Variants in KDM6A observed in about 807,000 individuals in gnomAD.
KDM6A encodes lysine-specific demethylase 6A.
KDM6A carries 11 observed loss-of-function variants against 117.6 expected under a neutral mutation model. That is an observed-to-expected ratio of 0.09 (90% CI 0.06 to 0.15). The LOEUF (loss-of-function observed/expected upper bound fraction) is 0.15. KDM6A is among the 10% of genes least tolerant of loss of function. The pLI is 1.00. For synonymous variants in KDM6A, 384 were observed against 396.1 expected, an observed-to-expected ratio of 0.97 and a Z score of 0.36; for missense variants, 799 against 1,077.3, an observed-to-expected ratio of 0.74 and a Z score of 3.62.
intron 2 of KDM6A, among the ~76,000 whole-genome samples, chrX:44,874,360 C>T (rs1384587059): frequency 1.8e-5 from 2 of 111,410 alleles, no homozygotes. Flanking sequence ...CTTAACTTGC[C>T]TCTACGGGTT....
At chrX:45,040,717 G>A (rs1156434633) in intron 8 of KDM6A, among the ~76,000 whole-genome samples, 2 of 64,791 alleles carry the variant, frequency 3.1e-5, no homozygotes, top group African/African-American at 6.4e-5. Flanking sequence ...CTGGACGGGC[G>A]GGGGGCTGAC....
chrX:45,033,150 T>C (rs555808299), intron 6 of KDM6A, among the ~76,000 whole-genome samples: 7 of 112,249 alleles, frequency 6.2e-5, no homozygotes, highest in Admixed American at 4.7e-4. Context: ...GACTTAGAAA[T>C]ATAGTACAGT....
chrX:44,962,195 G>A (rs2038706515), intron 3 of KDM6A, among the ~76,000 whole-genome samples: 1 of 112,037 alleles, frequency 8.9e-6, no homozygotes, highest in Non-Finnish European at 1.9e-5. Context: ...GTGAAGGATT[G>A]TTAGTATTTC....
intron 8 of KDM6A, among the ~76,000 whole-genome samples, chrX:45,039,589 T>C (rs1482266505): frequency 1.4e-5 from 1 of 72,627 alleles, no homozygotes; most frequent in African/African-American, 5.0e-5. Context: ...AGGACAATAG[T>C]GGAGGGAAGG....
At chrX:45,088,693 C>T (rs986173397) in intron 25 of KDM6A, among the ~76,000 whole-genome samples, 3 of 113,276 alleles carry the variant, frequency 2.6e-5, no homozygotes, top group African/African-American at 9.6e-5. Flanking sequence ...TAAGTTCTTC[C>T]TTCCCCAAAA....
At chrX:45,091,730 A>C (rs1283680792) in intron 27 of KDM6A, among the ~76,000 whole-genome samples, 2 of 112,151 alleles carry the variant, frequency 1.8e-5, no homozygotes, top group African/African-American at 6.5e-5. Flanking sequence ...TTTGGGATAC[A>C]CTGCTTTATA....
chrX:45,071,151 TTAACA>T (rs1184860692), intron 18 of KDM6A, among the ~76,000 whole-genome samples: 1 of 112,423 alleles, frequency 8.9e-6, no homozygotes, highest in Non-Finnish European at 1.9e-5. Flanking sequence ...TGAAATTTAG[TTAACA>T]TAACTGGAAC....
At chrX:44,909,318 C>T (rs751274386) in intron 2 of KDM6A, among the ~76,000 whole-genome samples, 2 of 111,461 alleles carry the variant, frequency 1.8e-5, no homozygotes, top group Non-Finnish European at 3.8e-5. Context: ...AATAGTATTC[C>T]GGCGTTCAAA....
intron 17 of KDM6A, among the ~76,000 whole-genome samples, chrX:45,067,525 T>C (rs2044581011): frequency 9.0e-6 from 1 of 111,656 alleles, no homozygotes; most frequent in Admixed American, 9.5e-5. Context: ...TGTTTTTGCT[T>C]TATGAGAAAT....
At chrX:45,042,132 A>G (rs1259565934) in intron 8 of KDM6A, among the ~76,000 whole-genome samples, 3 of 108,912 alleles carry the variant, frequency 2.8e-5, no homozygotes, top group African/African-American at 6.8e-5. Context: ...TGCGCCTGCA[A>G]TCGCAGGCAC....
intron 2 of KDM6A, among the ~76,000 whole-genome samples, chrX:44,879,250 T>A (rs1390598784): frequency 8.9e-6 from 1 of 112,221 alleles, no homozygotes; most frequent in Admixed American, 9.5e-5. Flanking sequence ...TTGAAATTCA[T>A]TGTGATGCGT....
intron 2 of KDM6A, among the ~76,000 whole-genome samples, chrX:44,920,628 C>G (rs1461751886): frequency 1.8e-5 from 2 of 108,359 alleles, no homozygotes; most frequent in East Asian, 5.8e-4. Context: ...TTGGTAGAGA[C>G]AGGGTTTCAC....
chrX:45,029,272 T>G (rs2042504961), intron 6 of KDM6A, among the ~76,000 whole-genome samples: 1 of 110,299 alleles, frequency 9.1e-6, no homozygotes, highest in Non-Finnish European at 1.9e-5. Flanking sequence ...CTATCCCTAC[T>G]AAAAATACAA....
rs770105512 is a variant in KDM6A, at chrX:45,060,218, T to A, written c.1329+62T>A. Reference sequence around the variant, plus strand: ...TTAAGGGTTCTTTTCAATTCTCTAGTGGTCAAGCTTAATTTACTAAGCACA... The same window carrying A: ...TTAAGGGTTCTTTTCAATTCTCTAGAGGTCAAGCTTAATTTACTAAGCACA... On this transcript the variant is annotated intron_variant, in intron 13 of 29. Transcript: ENST00000611820. 778 of 1,198,182 alleles carry A rather than the reference T, an allele frequency of 6.5e-4. 1 individual carries two copies. Among genetic ancestry groups the A allele is most frequent in the Non-Finnish European group, 8.3e-4 (739 of 887,293 alleles).
chrX:44,908,030 T>C (rs1307731780), intron 2 of KDM6A, among the ~76,000 whole-genome samples: 1 of 110,407 alleles, frequency 9.1e-6, no homozygotes. Flanking sequence ...GAAAAAGTAA[T>C]AGAGGAGGGA....
intron 28 of KDM6A, among the ~76,000 whole-genome samples, chrX:45,108,325 C>T (rs899808867): frequency 1.8e-5 from 2 of 111,276 alleles, no homozygotes; most frequent in Non-Finnish European, 1.9e-5. Flanking sequence ...GTGCAAATTC[C>T]GCTCATAAGT....
At chrX:44,890,324 G>C (rs1290073445) in intron 2 of KDM6A, among the ~76,000 whole-genome samples, 1 of 112,163 alleles carries the variant, frequency 8.9e-6, no homozygotes, top group Admixed American at 9.5e-5. Context: ...AGTTATTTCC[G>C]GTTTTTGGCT....
chrX:44,932,726 A>C (rs1222671650), intron 2 of KDM6A, among the ~76,000 whole-genome samples: 1 of 110,508 alleles, frequency 9.0e-6, no homozygotes, highest in African/African-American at 3.3e-5. Context: ...TGTTTTTCCT[A>C]ATTTTTTTAA....
intron 2 of KDM6A, among the ~76,000 whole-genome samples, chrX:44,957,619 C>T (rs1221448599): frequency 1.8e-5 from 2 of 111,714 alleles, no homozygotes; most frequent in Non-Finnish European, 3.8e-5. Context: ...AAGCTTTCTA[C>T]GTAGCTGGGA....
Sources: allele counts gnomAD v4.1 joint callset (sites outside exome capture counted in the v4.1 genomes callset), GRCh38; gene constraint gnomAD v4.1.1; transcripts MANE v1.5; gene names NCBI Gene and HGNC (gene_info 2026-07-23, HGNC 2026-07-21).